MEIS1: variants seen among roughly 807,000 people sequenced by gnomAD.
MEIS1 encodes homeobox protein Meis1.
Under a neutral mutation model 50.8 loss-of-function variants are expected in MEIS1, and 5 were observed. The observed-to-expected ratio is 0.10, with a 90% CI of 0.05 to 0.21. MEIS1 has a LOEUF of 0.21. Ranked by LOEUF, MEIS1 falls within the 10% of genes least tolerant of loss-of-function variation. The pLI is 1.00. For missense variants in MEIS1, 318 were observed against 517.3 expected, an observed-to-expected ratio of 0.61 and a Z score of 3.74; for synonymous variants, 176 against 179.3, an observed-to-expected ratio of 0.98 and a Z score of 0.15.
chr2:66,440,573 A>G lies in MEIS1; in HGVS notation c.393A>G (p.Glu131=), dbSNP rs775879398. The change falls in exon 4 of 13, where the codon GAA becomes GAG. Residue 131 remains glutamate, a synonymous_variant. Coordinates refer to ENST00000272369, the MANE Select transcript of MEIS1 (RefSeq NM_002398.3). The part of the protein sequence containing the change: ...IAVFAKQIRA[E]KPLFSSNPEL... ...TCACTTGTATTTAGATTCGCGCAGA[A>G]AAACCTCTATTTTCTTCTAATCCAG... The G allele has an allele frequency of 1.9e-6, 3 of 1,613,192 alleles. No individual in the cohort carries two copies. In the Admixed American group the frequency reaches 5.0e-5, roughly 27 times the overall value.
At chr2:66,470,869 G>C (rs115848932) in intron 7 of MEIS1, among the ~76,000 whole-genome samples, 3,142 of 152,280 alleles carry the variant, frequency 0.021, 40 homozygotes, top group Middle Eastern at 0.075. Flanking sequence ...AAAAGAATAT[G>C]TAAAAGACAG....
At chr2:66,446,741 C>T (rs983142394) in intron 6 of MEIS1, among the ~76,000 whole-genome samples, 26 of 152,286 alleles carry the variant, frequency 1.7e-4, no homozygotes, top group African/African-American at 5.8e-4. Flanking sequence ...GCCACGCTCG[C>T]CAGGCAGGTT....
At chr2:66,510,193 T>G (rs1197574455) in intron 7 of MEIS1, among the ~76,000 whole-genome samples, 1 of 152,248 alleles carries the variant, frequency 6.6e-6, no homozygotes, top group Non-Finnish European at 1.5e-5. Context: ...TATGGTAAAC[T>G]GCTTCTCTGA....
chr2:66,554,330 G>T (rs760843794), intron 9 of MEIS1, among the ~76,000 whole-genome samples: 6 of 152,214 alleles, frequency 3.9e-5, no homozygotes, highest in Non-Finnish European at 8.8e-5. Flanking sequence ...GTGTCTGTAA[G>T]TATCTGGTCA....
At chr2:66,436,511 A>G (rs1355195722) in intron 1 of MEIS1, among the ~76,000 whole-genome samples, 1 of 152,228 alleles carries the variant, frequency 6.6e-6, no homozygotes, top group African/African-American at 2.4e-5. Context: ...ATGCAGTGAG[A>G]GTAAAGTGAG....
At chr2:66,527,730 GT>G (rs544864325) in intron 8 of MEIS1, among the ~76,000 whole-genome samples, 1 of 151,658 alleles carries the variant, frequency 6.6e-6, no homozygotes, top group South Asian at 2.1e-4. Context: ...GGCTAGAATA[GT>G]TTCCATGATA....
intron 7 of MEIS1, among the ~76,000 whole-genome samples, chr2:66,502,443 TTCAC>T (rs1673581256): frequency 6.6e-6 from 1 of 152,244 alleles, no homozygotes; most frequent in African/African-American, 2.4e-5. Flanking sequence ...CATTTAAAGA[TTCAC>T]TCATTTGCAA....
chr2:66,489,271 A>C (rs748678723), intron 7 of MEIS1, among the ~76,000 whole-genome samples: 8 of 152,238 alleles, frequency 5.3e-5, no homozygotes, highest in Non-Finnish European at 1.2e-4. Context: ...GTAGAAAAAT[A>C]CGCCTTAGTT....
intron 8 of MEIS1, among the ~76,000 whole-genome samples, chr2:66,543,869 T>C (rs953539238): frequency 1.3e-5 from 2 of 152,230 alleles, no homozygotes; most frequent in Non-Finnish European, 2.9e-5. Flanking sequence ...AGGCGAGGTC[T>C]CCCTCACTGT....
chr2:66,440,814 C>G (rs944972643), intron 4 of MEIS1: 1 of 573,042 alleles, frequency 1.7e-6, no homozygotes, highest in African/African-American at 1.9e-5. Flanking sequence ...AGGGGCCGGG[C>G]GAGCCAGCGC....
intron 4 of MEIS1, among the ~76,000 whole-genome samples, 156 bp from the exon 5 acceptor site, chr2:66,441,258 G>C (rs1671973423): frequency 1.3e-5 from 2 of 151,632 alleles, no homozygotes; most frequent in African/African-American, 4.9e-5. Context: ...CCTCTAGATG[G>C]TACCCAGTTG....
intron 8 of MEIS1, among the ~76,000 whole-genome samples, chr2:66,533,523 CT>C (rs1332506570): frequency 6.6e-6 from 1 of 152,014 alleles, no homozygotes; most frequent in Admixed American, 6.6e-5. Context: ...TTTATAGTGT[CT>C]TTTTTTAACA....
intron 6 of MEIS1, among the ~76,000 whole-genome samples, chr2:66,462,823 T>G (rs1020748209): frequency 6.6e-6 from 1 of 152,096 alleles, no homozygotes; most frequent in African/African-American, 2.4e-5. Context: ...TATACATGAG[T>G]CAAACATACA....
At chr2:66,530,571 C>A (rs1178660297) in intron 8 of MEIS1, among the ~76,000 whole-genome samples, 1 of 152,124 alleles carries the variant, frequency 6.6e-6, no homozygotes, top group Non-Finnish European at 1.5e-5. Flanking sequence ...AAAAAATTAG[C>A]CGGGCGTGGT....
intron 9 of MEIS1, among the ~76,000 whole-genome samples, chr2:66,549,364 C>T (rs1236763340): frequency 1.3e-5 from 2 of 152,030 alleles, no homozygotes; most frequent in African/African-American, 4.8e-5. Flanking sequence ...AGGCATACTA[C>T]ATCTAAATGT....
At chr2:66,516,606 C>T (rs1042827608) in intron 8 of MEIS1, among the ~76,000 whole-genome samples, 11 of 146,296 alleles carry the variant, frequency 7.5e-5, no homozygotes, top group African/African-American at 2.3e-4. Context: ...TGTGTGTGTG[C>T]GGCCAAATTT....
chr2:66,538,770 C>A (rs1253837637), intron 8 of MEIS1, among the ~76,000 whole-genome samples: 10 of 152,284 alleles, frequency 6.6e-5, no homozygotes, highest in African/African-American at 2.4e-4. Context: ...GAAACACACA[C>A]CCCAATTTGT....
chr2:66,451,552 T>C (rs1051265097), intron 6 of MEIS1, among the ~76,000 whole-genome samples: 2 of 152,080 alleles, frequency 1.3e-5, no homozygotes, highest in African/African-American at 4.8e-5. Context: ...TCTTTGACAA[T>C]AAACCTCCTC....
intron 8 of MEIS1, among the ~76,000 whole-genome samples, chr2:66,521,620 A>C (rs1674123719): frequency 6.6e-6 from 1 of 152,228 alleles, no homozygotes; most frequent in African/African-American, 2.4e-5. Context: ...AATTTTAGTA[A>C]TGTTTCCATA....
Sources: allele counts gnomAD v4.1 joint callset (sites outside exome capture counted in the v4.1 genomes callset), GRCh38; gene constraint gnomAD v4.1.1; transcripts MANE v1.5; gene names NCBI Gene and HGNC (gene_info 2026-07-23, HGNC 2026-07-21).